Variants in NBEA observed in about 807,000 individuals in gnomAD.
NBEA encodes the protein neurobeachin, also known as lysosomal-trafficking regulator 2.
Under a neutral mutation model 343.4 loss-of-function variants are expected in NBEA, and 44 were observed. The observed-to-expected ratio is 0.13, with a 90% confidence interval of 0.10 to 0.16. NBEA has a LOEUF of 0.16. Ranked by LOEUF, NBEA falls within the 10% of genes least tolerant of loss-of-function variation. The pLI is 1.00. For synonymous variants in NBEA, 1,175 were observed against 1,238.7 expected (o/e 0.95, Z 1.08); for missense variants, 2,555 against 3,631.3 (o/e 0.70, Z 7.62).
Position 35,159,654 on chromosome 13 carries a change from A to C in NBEA, c.3483A>C (p.Glu1161Asp). Residue 1161 changes from glutamate to aspartate, a missense_variant, in exon 22 of 59, where the codon GAA (glutamate) becomes GAC (aspartate). Transcript: ENST00000379939. ...IPKQEEKLLP[E>D]LSSNHIIPNI... is the part of the protein sequence containing the mutation. The stretch of plus-strand genomic sequence containing the variant: ...AACAGGAGGAAAAACTACTTCCTGA[A>C]CTTTCTAGCAATCACATTATTCCAA... The C allele has an allele frequency of 1.2e-6, 2 of 1,611,384 alleles. No individual in the cohort carries two copies. The highest frequency in any genetic ancestry group is 1.7e-6 in the Non-Finnish European group (2 of 1,178,768).
intron 57 of NBEA, 125 bp downstream of exon 57, chr13:35,667,695 T>C: frequency 1.1e-6 from 1 of 928,272 alleles, no homozygotes; most frequent in Non-Finnish European, 1.6e-6. Context: ...AGATTAAAAG[T>C]ATATAACTTC....
chr13:35,320,361 G>A (rs2038051781), intron 36 of NBEA, among the ~76,000 whole-genome samples: 1 of 152,196 alleles, frequency 6.6e-6, no homozygotes, highest in South Asian at 2.1e-4. Context: ...ATGAAGCTGA[G>A]TTCGACTGGA....
At chr13:35,321,707 C>G (rs1004390793) in intron 36 of NBEA, among the ~76,000 whole-genome samples, 1 of 152,170 alleles carries the variant, frequency 6.6e-6, no homozygotes, top group Non-Finnish European at 1.5e-5. Flanking sequence ...GCCGCCCCTT[C>G]CCCCAGGTGC....
In NBEA at chr13:35,177,316, A is replaced by C. The variant is rs566875846; in HGVS notation, c.4662+213A>C. Among the ~76,000 whole-genome samples the C allele has an allele frequency of 4.6e-5, 7 of 152,024 alleles. No individual in the cohort carries two copies. The South Asian group carries it at 1.2e-3, about 27-fold the overall frequency. The stretch of plus-strand genomic sequence containing the variant: ...TTTTAAAAAATGGTCTGAAATTTTG[A>C]TGTAAGTTGCTTGCATACTAAGAAT... On this transcript the variant is annotated intron_variant, in intron 28 of 58. Coordinates refer to ENST00000379939, the MANE Select transcript of NBEA (RefSeq NM_001385012.1).
intron 47 of NBEA, among the ~76,000 whole-genome samples, chr13:35,602,630 C>T (rs1339279855): frequency 6.6e-6 from 1 of 152,196 alleles, no homozygotes; most frequent in African/African-American, 2.4e-5. Context: ...AAACATCAAG[C>T]CTCTAACAGC....
At chr13:35,295,473 A>G (rs953164068) in intron 35 of NBEA, among the ~76,000 whole-genome samples, 3 of 152,132 alleles carry the variant, frequency 2.0e-5, no homozygotes, top group Admixed American at 2.0e-4. Context: ...TTGGGCATTT[A>G]ATTTTTTTGG....
chr13:35,580,791 T>A (rs1006407401), intron 45 of NBEA, among the ~76,000 whole-genome samples: 7 of 152,202 alleles, frequency 4.6e-5, no homozygotes, highest in African/African-American at 1.7e-4. Flanking sequence ...TTTTAAGAAG[T>A]TACTAATGGA....
chr13:35,151,031 C>T (rs1010646424), intron 18 of NBEA, among the ~76,000 whole-genome samples: 1 of 150,122 alleles, frequency 6.7e-6, no homozygotes, highest in Non-Finnish European at 1.5e-5. Context: ...AGTAGAATAG[C>T]TTGAACCTGG....
At position 35,668,481 on chromosome 13, in the gene NBEA, T is replaced by C; in HGVS notation, c.8775T>C (p.Asp2925=). 6.2e-7 allele frequency: 1 copy of C among 1,612,812 alleles called. No homozygotes were observed. The change falls in exon 58 of 59, where the codon GAT becomes GAC. Residue 2925 remains aspartate, a synonymous_variant. Coordinates refer to ENST00000379939, the MANE Select transcript of NBEA (RefSeq NM_001385012.1). ...FKQLYIYPGC[D]AGIRAMDLSH... is the part of the protein sequence containing the mutation. ...AACTGTACATTTACCCTGGATGTGA[T>C]GCTGGCATTAGAGCAATGGACTTGT... is the stretch of plus-strand genomic sequence containing the variant.
chr13:35,052,830 A>G (rs1172441597), intron 6 of NBEA, among the ~76,000 whole-genome samples: 2 of 151,966 alleles, frequency 1.3e-5, no homozygotes, highest in African/African-American at 2.4e-5. Context: ...TAATTTTATC[A>G]TATATTATTG....
intron 13 of NBEA, among the ~76,000 whole-genome samples, chr13:35,116,563 ACTTG>A (rs1174096098): frequency 2.3e-4 from 35 of 152,126 alleles, no homozygotes; most frequent in Admixed American, 2.3e-3. Context: ...TTGGATAATA[ACTTG>A]CTTGCAGATA....
chr13:35,292,737 T>C (rs1451035510), intron 35 of NBEA, among the ~76,000 whole-genome samples: 1 of 152,058 alleles, frequency 6.6e-6, no homozygotes, highest in Non-Finnish European at 1.5e-5. Context: ...TGTATATTTT[T>C]CCACAGTGAG....
At chr13:35,259,279 A>G (rs543516339) in intron 34 of NBEA, among the ~76,000 whole-genome samples, 53 of 152,262 alleles carry the variant, frequency 3.5e-4, no homozygotes, top group African/African-American at 1.3e-3. Context: ...ATTTATTACT[A>G]TGTTGTTTAA....
chr13:35,171,656 A>G (rs1027898334), intron 26 of NBEA, among the ~76,000 whole-genome samples: 20 of 152,194 alleles, frequency 1.3e-4, no homozygotes, highest in South Asian at 6.2e-4. Context: ...ATTTCACAGA[A>G]CTGATCATCT....
At chr13:35,280,342 A>G (rs1367590171) in intron 34 of NBEA, among the ~76,000 whole-genome samples, 1 of 152,132 alleles carries the variant, frequency 6.6e-6, no homozygotes, top group East Asian at 1.9e-4. Context: ...AGATGTTTAA[A>G]TTAATTTCAG....
chr13:35,218,104 TGATGGGG>T (rs1266934171), intron 33 of NBEA, among the ~76,000 whole-genome samples: 1 of 152,082 alleles, frequency 6.6e-6, no homozygotes, highest in Non-Finnish European at 1.5e-5. Flanking sequence ...GAAACATGGA[TGATGGGG>T]GAGCTCACCT....
In NBEA at chr13:35,659,831, A is replaced by G. The variant is rs1341424850; in HGVS notation, c.8362+4082A>G. Among the ~76,000 whole-genome samples the G allele has an allele frequency of 9.2e-5, 14 of 152,256 alleles. 1 individual carries two copies. The East Asian group carries it at 2.5e-3, about 27-fold the overall frequency. On this transcript the variant is annotated intron_variant, in intron 55 of 58. Transcript: ENST00000379939. ...CTAACTAGATAACAGAATTGCAAAG[A>G]TGTGAAGGACAGATGCTTTCATCCG... is the stretch of plus-strand genomic sequence containing the variant.
At position 35,515,147 on chromosome 13, in the gene NBEA, G is replaced by A. The variant is rs546754121; in HGVS notation, c.6586-35330G>A. 2.0e-5 allele frequency among the ~76,000 whole-genome samples: 3 copies of A among 152,156 alleles called. No homozygotes were observed. The South Asian group carries it at 6.2e-4, about 32-fold the overall frequency. On this transcript the variant is annotated intron_variant, in intron 41 of 58. Transcript: ENST00000379939. ...GTAACATATTATTAAGCAATTTCAC[G>A]AGAATAACAGGGATAAAAGGATAAT...
intron 36 of NBEA, among the ~76,000 whole-genome samples, chr13:35,338,243 A>C (rs949976823): frequency 3.3e-5 from 5 of 151,920 alleles, no homozygotes; most frequent in African/African-American, 1.2e-4. Context: ...GACTCAAATC[A>C]CTAAAATCGG....
Sources: gnomAD v4.1 joint callset for allele counts (sites outside exome capture counted in the v4.1 genomes callset) on GRCh38, gnomAD v4.1.1 for gene constraint, MANE v1.5 for transcripts, NCBI Gene and HGNC (gene_info 2026-07-23, HGNC 2026-07-21) for gene names.